The following EXTL3 variants were observed in gnomAD, a reference collection of about 807,000 sequenced individuals.
EXTL3 encodes the protein exostosin-like 3.
A neutral mutation model predicts 69.3 loss-of-function variants in EXTL3; 27 were observed. That is an observed-to-expected ratio of 0.39 (90% CI 0.29 to 0.54). The LOEUF (loss-of-function observed/expected upper bound fraction) is 0.54, where lower values mean the gene tolerates loss of function less well. EXTL3 is among the 20% of genes least tolerant of loss of function. The probability of loss-of-function intolerance (pLI) is 0.69; values close to 1 mark genes in which losing one functional copy is unlikely to be tolerated. For missense variants in EXTL3, 1,003 were observed against 1,231.8 expected, an observed-to-expected ratio of 0.81 and a Z score of 2.78; for synonymous variants, 511 against 499.4, an observed-to-expected ratio of 1.02 and a Z score of -0.31.
intron 1 of EXTL3, among the ~76,000 whole-genome samples, chr8:28,656,813 GA>G (rs1395970150): frequency 1.3e-5 from 2 of 151,862 alleles, no homozygotes; most frequent in African/African-American, 4.8e-5. Flanking sequence ...AAAGAGCTGA[GA>G]AAAAAAATTG....
intron 1 of EXTL3, among the ~76,000 whole-genome samples, chr8:28,632,278 C>T (rs774263322): frequency 1.3e-5 from 2 of 151,880 alleles, no homozygotes; most frequent in Non-Finnish European, 2.9e-5. Context: ...ACCTGTAATC[C>T]CAGCTACTTG....
chr8:28,668,324 C>CTTTTTTTTTTTTTTTTT (rs71549687), intron 1 of EXTL3, among the ~76,000 whole-genome samples: 1 of 82,552 alleles, frequency 1.2e-5, no homozygotes, highest in Non-Finnish European at 2.1e-5. Context: ...AGAGTTGTTA[C>CTTTTTTTTTTTTTTTTT]TTTTTTTTTT....
At chr8:28,726,362 G>A (rs1470817177) in intron 3 of EXTL3, among the ~76,000 whole-genome samples, 1 of 152,168 alleles carries the variant, frequency 6.6e-6, no homozygotes, top group Non-Finnish European at 1.5e-5. Flanking sequence ...CAGCTTTGAA[G>A]CAAAACTGTT....
At chr8:28,633,839 C>T (rs1806611419) in intron 1 of EXTL3, among the ~76,000 whole-genome samples, 1 of 152,154 alleles carries the variant, frequency 6.6e-6, no homozygotes, top group Non-Finnish European at 1.5e-5. Flanking sequence ...TACATGTTTA[C>T]TATGTGGCCC....
chr8:28,672,372 C>T lies in EXTL3; in HGVS notation c.-52-41085C>T, dbSNP rs1462859972. Among the ~76,000 whole-genome samples the T allele has an allele frequency of 2.3e-5, 3 of 132,372 alleles. No homozygotes were observed. The Admixed American group carries it at 2.7e-4, about 12-fold the overall frequency. The allele number at this position is 132,372 out of a possible 152,430, so 86.8% of individuals were successfully genotyped here. On this transcript the variant is annotated intron_variant, in intron 1 of 6. Transcript: ENST00000523149. ...GGCGGAGCTTGCAGTGAGCCGAGAT[C>T]GTGCCACTGCACTCCAGTCTGGGCA...
At chr8:28,692,343 C>T (rs1563205745) in intron 1 of EXTL3, among the ~76,000 whole-genome samples, 1 of 152,098 alleles carries the variant, frequency 6.6e-6, no homozygotes, top group African/African-American at 2.4e-5. Context: ...GGGAAGGGAT[C>T]AATTATTATT....
chr8:28,657,711 A>G (rs1023834070), intron 1 of EXTL3, among the ~76,000 whole-genome samples: 15 of 152,224 alleles, frequency 9.9e-5, no homozygotes, highest in African/African-American at 3.6e-4. Context: ...TGGAAAGCAC[A>G]TCAAAGCATA....
At position 28,689,907 on chromosome 8, in the gene EXTL3, A is replaced by G. The variant is rs542731648; in HGVS notation, c.-52-23550A>G. ...CAATACAAGAAAAGTAGAAAAAGCA[A>G]CAGAGAAGAAAAAAGTCAGAGTATG... On this transcript the variant is annotated intron_variant, in intron 1 of 6. Transcript: ENST00000523149. Among the ~76,000 whole-genome samples, 5 of 152,344 alleles carry G rather than the reference A, an allele frequency of 3.3e-5. No homozygotes were observed. In the South Asian group the frequency reaches 1.0e-3, roughly 32 times the overall value.
At chr8:28,699,220 GTCCAGAGTGCTACT>G (rs920963281), upstream of EXTL3, among the ~76,000 whole-genome samples, 6 of 152,282 alleles carry the variant, frequency 3.9e-5, no homozygotes, top group African/African-American at 1.4e-4. Flanking sequence ...ATGTGAGGGT[GTCCAGAGTGCTACT>G]GGGCAGCAGG....
intron 1 of EXTL3, among the ~76,000 whole-genome samples, chr8:28,659,612 G>A (rs1039537336): frequency 1.3e-5 from 2 of 152,096 alleles, no homozygotes; most frequent in Admixed American, 6.6e-5. Context: ...TCCTGGATCC[G>A]GGTGTCGGTT....
intron 1 of EXTL3, among the ~76,000 whole-genome samples, chr8:28,673,405 G>A (rs952571044): frequency 6.6e-6 from 1 of 152,184 alleles, no homozygotes; most frequent in African/African-American, 2.4e-5. Flanking sequence ...TCTGATCGAT[G>A]GAGGGCCTGA....
At chr8:28,694,280 A>G (rs1800655273) in intron 1 of EXTL3, among the ~76,000 whole-genome samples, 1 of 152,242 alleles carries the variant, frequency 6.6e-6, no homozygotes, top group Admixed American at 6.5e-5. Flanking sequence ...TGTTTGGCAT[A>G]TCTGTCACAC....
Position 28,737,536 on chromosome 8 carries a change from G to A in EXTL3, c.2294G>A (p.Arg765Gln). The stretch of plus-strand genomic sequence containing the variant: ...TTTTCAAGGGTGTGGAGAGAAGCTC[G>A]GGACCGCATCGTGGGCTTCCCTGGC... ...MFGFRVWREA[R>Q]DRIVGFPGRY... is the part of the protein sequence containing the mutation. Residue 765 changes from arginine (R) to glutamine (Q), a missense_variant, in exon 5 of 7, where the codon CGG (arginine) becomes CAG (glutamine). Transcript: ENST00000220562. The A allele has an allele frequency of 1.2e-6, 2 of 1,613,964 alleles. No homozygotes were observed. The highest frequency in any genetic ancestry group is 1.7e-6 in the Non-Finnish European group (2 of 1,179,856).
chr8:28,694,479 ATT>A (rs951020710), intron 1 of EXTL3, among the ~76,000 whole-genome samples: 6 of 152,226 alleles, frequency 3.9e-5, no homozygotes, highest in African/African-American at 1.4e-4. Flanking sequence ...CATGGTCAGC[ATT>A]TCTCTTGCAC....
At chr8:28,660,318 T>C (rs750129055) in intron 1 of EXTL3, among the ~76,000 whole-genome samples, 1 of 152,002 alleles carries the variant, frequency 6.6e-6, no homozygotes, top group Non-Finnish European at 1.5e-5. Flanking sequence ...GAGCTGTGAT[T>C]GCACTGCGGC....
intron 1 of EXTL3, among the ~76,000 whole-genome samples, chr8:28,637,606 TAGG>T (rs1806676715): frequency 6.6e-6 from 1 of 151,650 alleles, no homozygotes. Context: ...GAGACCAGAC[TAGG>T]CAACATAGCA....
At chr8:28,630,773 G>A (rs75958609) in intron 1 of EXTL3, among the ~76,000 whole-genome samples, 4,633 of 152,256 alleles carry the variant, frequency 0.03, 210 homozygotes, top group African/African-American at 0.097. Flanking sequence ...TAACTGGGGC[G>A]GAGGAAGACA....
chr8:28,638,627 CTTTTG>C (rs1244173547), intron 1 of EXTL3, among the ~76,000 whole-genome samples: 4 of 152,124 alleles, frequency 2.6e-5, no homozygotes, highest in Admixed American at 2.6e-4. Context: ...GTCTAGGATT[CTTTTG>C]TTTTGTTTTG....
At chr8:28,661,103 C>CG (rs1563439405) in intron 1 of EXTL3, among the ~76,000 whole-genome samples, 1 of 151,456 alleles carries the variant, frequency 6.6e-6, no homozygotes, top group Admixed American at 6.6e-5. Context: ...TTAGTAGAGA[C>CG]GGGGTTTCAT....
Sources: allele counts gnomAD v4.1 joint callset (sites outside exome capture counted in the v4.1 genomes callset), GRCh38; gene constraint gnomAD v4.1.1; transcripts MANE v1.5; gene names NCBI Gene and HGNC (gene_info 2026-07-23, HGNC 2026-07-21).